Variants in BAIAP2L2 observed in about 807,000 individuals in gnomAD.
BAIAP2L2 encodes BAR/IMD domain containing adaptor protein 2 like 2.
Under a neutral mutation model 60.4 loss-of-function variants are expected in BAIAP2L2, and 65 were observed. The ratio of observed to expected loss-of-function variants is 1.08; its 90% CI spans 0.88 to 1.32. BAIAP2L2 has a LOEUF of 1.32. BAIAP2L2 is among the 40% of genes most tolerant of loss of function. The pLI is 0.00. For synonymous variants in BAIAP2L2, 344 were observed against 301.7 expected (o/e 1.14, Z -1.45); for missense variants, 836 against 741.2 (o/e 1.13, Z -1.48).
In BAIAP2L2 at chr22:38,085,130, G is replaced by A. The variant is rs2086015047; in HGVS notation, c.*170C>T. 1.6e-6 allele frequency: 1 copy of A among 632,546 alleles called. No homozygotes were observed. Among genetic ancestry groups the A allele is most frequent in the Non-Finnish European group, 2.7e-6 (1 of 365,416 alleles). The allele number at this position is 632,546 out of a possible 1,614,324, so 39.2% of individuals were successfully genotyped here. On this transcript the variant is annotated 3_prime_UTR_variant, in exon 14 of 14. Coordinates refer to ENST00000381669, the MANE Select transcript of BAIAP2L2 (RefSeq NM_025045.6). Reference sequence around the variant, plus strand: ...TTACTTTGAAGGTCTCGGACCCCAAGCCAGTGCTTTGGAGCTGCTCAGGCT... The same window carrying A: ...TTACTTTGAAGGTCTCGGACCCCAAACCAGTGCTTTGGAGCTGCTCAGGCT...
At chr22:38,098,344 C>T (rs2086491790) in intron 5 of BAIAP2L2, 67 bp downstream of exon 5, 3 of 1,524,474 alleles carry the variant, frequency 2.0e-6, no homozygotes, top group South Asian at 2.3e-5. Flanking sequence ...TGTGTGCCTA[C>T]CTGTCAAATG....
Position 38,089,150 on chromosome 22 carries a change from G to T in BAIAP2L2, c.847C>A (p.Pro283Thr). 1 of 1,342,378 alleles carries T rather than the reference G, an allele frequency of 7.4e-7. No individual in the cohort carries two copies. The highest frequency in any genetic ancestry group is 9.5e-7 in the Non-Finnish European group (1 of 1,051,428). The allele number at this position is 1,342,378 out of a possible 1,614,324, so 83.2% of individuals were successfully genotyped here. The part of the protein sequence containing the change: ...GSYGTEPDAR[P>T]ASQLEPDRRS... ...CGGTCTGGCTCTAGCTGGGACGCGG[G>T]CCTCGCGTCGGGCTCGGTGCCGTAG... Residue 283 changes from proline (P) to threonine (T), a missense_variant, in exon 9 of 14, where the codon CCC (proline) becomes ACC (threonine). Transcript: ENST00000381669.
chr22:38,085,023 G>T lies in BAIAP2L2; in HGVS notation c.*277C>A, dbSNP rs1229328244. 2 of 427,406 alleles carry T rather than the reference G, an allele frequency of 4.7e-6. No individual in the cohort carries two copies. The highest frequency in any genetic ancestry group is 8.6e-6 in the Non-Finnish European group (2 of 232,740). 26.5% of individuals were successfully genotyped at this position (427,406 alleles called of 1,614,324 possible). ...GGCAGAAAAGGGGGAAAGAGGTTAG[G>T]GGGCAAGAGGTGGGCCCCCCAGGGA... is the stretch of plus-strand genomic sequence containing the variant. On this transcript the variant is annotated 3_prime_UTR_variant, in exon 14 of 14. Coordinates refer to ENST00000381669, the MANE Select transcript of BAIAP2L2 (RefSeq NM_025045.6).
intron 4 of BAIAP2L2, among the ~76,000 whole-genome samples, chr22:38,101,476 AG>A (rs2086567121): frequency 7.1e-6 from 1 of 140,152 alleles, no homozygotes. Flanking sequence ...GAGCCCAGGA[AG>A]TCTAGGCTGC....
At chr22:38,085,442 G>C (rs2086030680) in intron 13 of BAIAP2L2, 67 bp from the exon 14 acceptor site, 2 of 1,525,614 alleles carry the variant, frequency 1.3e-6, no homozygotes, top group Admixed American at 3.5e-5. Flanking sequence ...GGCTCAGGAA[G>C]GCAGCTGGGC....
At chr22:38,087,040 C>T in intron 11 of BAIAP2L2, 84 bp downstream of exon 11, 1 of 1,421,966 alleles carries the variant, frequency 7.0e-7, no homozygotes, top group South Asian at 1.5e-5. Context: ...AAAAACAAGC[C>T]TGCACCTTGC....
At chr22:38,110,120 GGAGAGAGAGA>G (rs1202491630) in intron 1 of BAIAP2L2, among the ~76,000 whole-genome samples, 6 of 18,884 alleles carry the variant, frequency 3.2e-4, no homozygotes, top group East Asian at 2.6e-3. Context: ...AGAGAGAGAG[GGAGAGAGAGA>G]GAGAGAGAGA....
intron 4 of BAIAP2L2, among the ~76,000 whole-genome samples, chr22:38,099,541 A>G (rs932436952): frequency 2.0e-5 from 3 of 151,838 alleles, no homozygotes; most frequent in African/African-American, 7.3e-5. Flanking sequence ...CTCAAAAGAA[A>G]AAAAAAAAGA....
intron 2 of BAIAP2L2, 110 bp from the exon 3 acceptor site, chr22:38,108,451 C>T (rs898097608): frequency 3.8e-6 from 3 of 798,636 alleles, no homozygotes; most frequent in Non-Finnish European, 4.0e-6. Flanking sequence ...GTGTGGGCAT[C>T]TGTGTGTGCC....
intron 10 of BAIAP2L2, 83 bp from the exon 11 acceptor site, chr22:38,087,347 G>A: frequency 2.0e-6 from 3 of 1,497,494 alleles, no homozygotes; most frequent in East Asian, 2.5e-5. Flanking sequence ...TCCCCTCAGG[G>A]TCACTGGAAG....
Position 38,087,150 on chromosome 22 carries a change from C to CATGGGTGTT in BAIAP2L2, c.1232_1233insAACACCCAT (p.Pro410_Met411insIleThrPro), listed in dbSNP as rs1376403653. On this transcript the variant is annotated inframe_insertion, in exon 11 of 14. Coordinates refer to ENST00000381669, the MANE Select transcript of BAIAP2L2 (RefSeq NM_025045.6). ...TGGAAGGCAGCTCGTTCCCGGGGTT[C>CATGGGTGTT]ATGGGTGTCATGGGGGACATGGAGG... The CATGGGTGTT allele has an allele frequency of 8.1e-6, 13 of 1,600,234 alleles. No homozygotes were observed. The highest frequency in any genetic ancestry group is 1.1e-5 in the Non-Finnish European group (13 of 1,175,114).
chr22:38,103,191 G>C (rs1373037809), intron 4 of BAIAP2L2, among the ~76,000 whole-genome samples: 1 of 152,110 alleles, frequency 6.6e-6, no homozygotes, highest in Non-Finnish European at 1.5e-5. Context: ...ACTTCAGCCT[G>C]GGTGACAGAG....
intron 10 of BAIAP2L2, 139 bp downstream of exon 10, chr22:38,088,609 C>A: frequency 1.2e-6 from 1 of 812,134 alleles, no homozygotes; most frequent in Non-Finnish European, 1.8e-6. Context: ...AGGCAGGGTG[C>A]GGGGGTCGGG....
intron 10 of BAIAP2L2, among the ~76,000 whole-genome samples, 158 bp from the exon 11 acceptor site, chr22:38,087,422 A>G (rs1428488952): frequency 6.6e-6 from 1 of 152,140 alleles, no homozygotes; most frequent in African/African-American, 2.4e-5. Context: ...TTCACCTGCA[A>G]GTGCCTACTG....
intron 4 of BAIAP2L2, among the ~76,000 whole-genome samples, chr22:38,099,262 G>A (rs1446505227): frequency 6.6e-6 from 1 of 152,198 alleles, no homozygotes; most frequent in Non-Finnish European, 1.5e-5. Context: ...GCCTGGGCAT[G>A]GTGGCTTACG....
At chr22:38,102,470 T>C (rs1403789609) in intron 4 of BAIAP2L2, among the ~76,000 whole-genome samples, 1 of 152,142 alleles carries the variant, frequency 6.6e-6, no homozygotes, top group African/African-American at 2.4e-5. Flanking sequence ...CCTTTTACAA[T>C]TTCAGGAAAA....
At chr22:38,085,459 G>A (rs2086031264) in intron 13 of BAIAP2L2, 84 bp from the exon 14 acceptor site, 2 of 1,447,282 alleles carry the variant, frequency 1.4e-6, no homozygotes, top group South Asian at 2.4e-5. Context: ...GGGCAACTGA[G>A]CTGGGTCCTG....
At position 38,108,068 on chromosome 22, in the gene BAIAP2L2, C is replaced by T. The variant is rs567047133; in HGVS notation, c.215-155G>A. Among the ~76,000 whole-genome samples, 8 of 152,272 alleles carry T rather than the reference C, an allele frequency of 5.3e-5. No homozygotes were observed. In the South Asian group the frequency reaches 1.0e-3, roughly 20 times the overall value. Reference sequence around the variant, plus strand: ...CCCATATGGTTCTCTGGGAGCCAGGCCATGTGTGTCCCAGCCTGGGAGCAG... The same window carrying T: ...CCCATATGGTTCTCTGGGAGCCAGGTCATGTGTGTCCCAGCCTGGGAGCAG... On this transcript the variant is annotated intron_variant, in intron 3 of 13. Coordinates refer to ENST00000381669, the MANE Select transcript of BAIAP2L2 (RefSeq NM_025045.6).
At chr22:38,098,559 C>G in intron 4 of BAIAP2L2, 77 bp from the exon 5 acceptor site, 1 of 1,171,258 alleles carries the variant, frequency 8.5e-7, no homozygotes, top group East Asian at 2.4e-5. Flanking sequence ...GCACTTTCTG[C>G]TATAACAGAC....
Sources: gnomAD v4.1 joint callset for allele counts (sites outside exome capture counted in the v4.1 genomes callset) on GRCh38, gnomAD v4.1.1 for gene constraint, MANE v1.5 for transcripts, NCBI Gene and HGNC (gene_info 2026-07-23, HGNC 2026-07-21) for gene names.